Variants in MYO3A observed in about 807,000 individuals in gnomAD.
The protein encoded by MYO3A is myosin-IIIa.
MYO3A carries 180 observed loss-of-function variants against 192.7 expected under a neutral mutation model. The ratio of observed to expected loss-of-function variants is 0.93; its 90% CI spans 0.83 to 1.06. The LOEUF (loss-of-function observed/expected upper bound fraction) is 1.06. MYO3A is among the 50% of genes least tolerant of loss of function. The pLI, the probability that MYO3A is intolerant of heterozygous loss-of-function variation, is 0.00. For synonymous variants in MYO3A, 628 were observed against 645.3 expected (o/e 0.97, Z 0.41); for missense variants, 1,896 against 1,905.0 (o/e 1.00, Z 0.09).
At position 26,212,021 on chromosome 10, in the gene MYO3A, G is replaced by A. The variant is rs753855346; in HGVS notation, c.*58G>A. The stretch of plus-strand genomic sequence containing the variant: ...GCGCTGGAGCCTGCGGGGCAGCAGG[G>A]GCCAAGCAGGCACTCTGGGGCTGGC... On this transcript the variant is annotated 3_prime_UTR_variant, in exon 35 of 35. Coordinates refer to ENST00000642920, the MANE Select transcript of MYO3A (RefSeq NM_017433.5). 3.2e-6 allele frequency: 5 copies of A among 1,584,494 alleles called. No homozygotes were observed. The South Asian group carries it at 4.5e-5, about 14-fold the overall frequency.
chr10:26,054,112 T>A (rs1282412795), intron 10 of MYO3A, among the ~76,000 whole-genome samples: 1 of 151,586 alleles, frequency 6.6e-6, no homozygotes, highest in East Asian at 1.9e-4. Flanking sequence ...GGGGTGGGTG[T>A]GGGATCAGAT....
intron 17 of MYO3A, among the ~76,000 whole-genome samples, chr10:26,099,584 C>T (rs1837299743): frequency 6.6e-6 from 1 of 152,078 alleles, no homozygotes; most frequent in Non-Finnish European, 1.5e-5. Flanking sequence ...AGATATGAAC[C>T]ATCAATACCT....
chr10:26,156,655 T>C (rs1423145396), intron 25 of MYO3A, among the ~76,000 whole-genome samples: 1 of 152,260 alleles, frequency 6.6e-6, no homozygotes, highest in Non-Finnish European at 1.5e-5. Flanking sequence ...TATTTTAAAC[T>C]AAGAGATGAT....
intron 34 of MYO3A, among the ~76,000 whole-genome samples, chr10:26,205,347 T>C (rs182921238): frequency 6.6e-6 from 1 of 152,246 alleles, no homozygotes; most frequent in East Asian, 1.9e-4. Context: ...AATAAATCTC[T>C]TGAATTTATT....
chr10:26,205,846 T>C (rs188294208), intron 34 of MYO3A, among the ~76,000 whole-genome samples: 41 of 152,082 alleles, frequency 2.7e-4, no homozygotes, highest in Admixed American at 5.9e-4. Flanking sequence ...GTCTCGATCT[T>C]CTGACCTTGT....
chr10:26,012,568 A>G (rs1841733920), intron 6 of MYO3A, among the ~76,000 whole-genome samples: 1 of 152,162 alleles, frequency 6.6e-6, no homozygotes, highest in Non-Finnish European at 1.5e-5. Context: ...GAACTACAAA[A>G]CACTGCCAAA....
At chr10:26,202,076 A>G (rs184831009) in intron 33 of MYO3A, among the ~76,000 whole-genome samples, 10 of 152,344 alleles carry the variant, frequency 6.6e-5, no homozygotes, top group African/African-American at 2.4e-4. Context: ...TTAAATTCAC[A>G]TTATTCTCCT....
chr10:25,941,271 C>G (rs1564388565), intron 2 of MYO3A, among the ~76,000 whole-genome samples: 1 of 152,152 alleles, frequency 6.6e-6, no homozygotes, highest in Admixed American at 6.5e-5. Flanking sequence ...TTCTGTCCTA[C>G]AGGGACAGGG....
chr10:26,171,995 TGTGA>T (rs1182060674), intron 29 of MYO3A, among the ~76,000 whole-genome samples: 2 of 152,118 alleles, frequency 1.3e-5, no homozygotes, highest in African/African-American at 4.8e-5. Context: ...GGCACATGAG[TGTGA>T]GTAAGAAGCT....
chr10:25,966,033 C>T (rs1838243912), intron 4 of MYO3A, among the ~76,000 whole-genome samples: 2 of 151,654 alleles, frequency 1.3e-5, no homozygotes. Flanking sequence ...TGGGTGCTCA[C>T]CAGATTTTCG....
chr10:26,097,820 T>G (rs1349904265), intron 17 of MYO3A, among the ~76,000 whole-genome samples: 1 of 152,210 alleles, frequency 6.6e-6, no homozygotes, highest in Non-Finnish European at 1.5e-5. Context: ...AAGTCTTTGC[T>G]ATTGTGAATA....
intron 17 of MYO3A, among the ~76,000 whole-genome samples, chr10:26,114,521 A>G (rs1033357643): frequency 3.9e-5 from 6 of 152,220 alleles, no homozygotes; most frequent in Non-Finnish European, 7.3e-5. Flanking sequence ...TTTTGTTCTC[A>G]TAAACTCTAA....
rs1841010233 is a variant in MYO3A at position 26,154,775 on chromosome 10, C to T, written c.2745C>T (p.Ala915=). ...ACACTGGAGAAGCCACACGTCATGC[C>T]AGAGAGACAACCAACATGAAAACAC... is the stretch of plus-strand genomic sequence containing the variant. ...KGDTGEATRH[A]RETTNMKTQT... Residue 915 remains alanine (A), a synonymous_variant, in exon 25 of 35, where the codon GCC becomes GCT. Transcript: ENST00000642920. 6.2e-7 allele frequency: 1 copy of T among 1,613,794 alleles called. No homozygotes were observed. Among genetic ancestry groups the T allele is most frequent in the Non-Finnish European group, 8.5e-7 (1 of 1,179,842 alleles).
In MYO3A at chr10:26,062,530, A is replaced by AAAAAACAAAAAAAAACAAAAAAAAACG. The variant is rs1554816581; in HGVS notation, c.954-4442_954-4441insAACAAAAAAAAACAAAAAAAAACGAAA. On this transcript the variant is annotated intron_variant, in intron 10 of 34. Coordinates refer to ENST00000642920, the MANE Select transcript of MYO3A (RefSeq NM_017433.5). ...GATGCCATCTCAAAAAAAAAAAAAAAAAATTATGGAGGAATCTAATTAAGA... is the reference window on the plus strand; with the variant it reads ...GATGCCATCTCAAAAAAAAAAAAAAAAAAAACAAAAAAAAACAAAAAAAAACGAAATTATGGAGGAATCTAATTAAGA... Among the ~76,000 whole-genome samples, 29 of 126,010 alleles carry AAAAAACAAAAAAAAACAAAAAAAAACG rather than the reference A, an allele frequency of 2.3e-4. 1 individual carries two copies. The highest frequency in any genetic ancestry group is 6.3e-4 in the African/African-American group (22 of 34,982). 82.7% of individuals were successfully genotyped at this position (126,010 alleles called of 152,430 possible).
chr10:26,051,647 C>T (rs1331782094), intron 10 of MYO3A, among the ~76,000 whole-genome samples: 1 of 150,108 alleles, frequency 6.7e-6, no homozygotes, highest in African/African-American at 2.4e-5. Context: ...TATTTTGTGA[C>T]CCACAGATGA....
At position 26,125,485 on chromosome 10, in the gene MYO3A, G is replaced by A. The variant is rs886042194; in HGVS notation, c.1991G>A (p.Arg664Gln). The change falls in exon 19 of 35, where the codon CGA (arginine) becomes CAA (glutamine). Residue 664 changes from arginine to glutamine, a missense_variant. Arg to Gln is a conservative substitution (Grantham distance 43). Transcript: ENST00000642920. ...GTCACTAGAGGAGAAACAATTATAC[G>A]ACCCAATACTGTAGAAAAAGCTACC... ...CVVTRGETIIRPNTVEKATDV... is the reference protein window; with the variant it reads ...CVVTRGETIIQPNTVEKATDV... 1.9e-6 allele frequency: 3 copies of A among 1,613,982 alleles called. No homozygotes were observed. The highest frequency in any genetic ancestry group is 1.3e-5 in the African/African-American group (1 of 75,040).
intron 10 of MYO3A, among the ~76,000 whole-genome samples, chr10:26,062,532 A>G (rs2131349067): frequency 6.6e-6 from 1 of 150,628 alleles, no homozygotes; most frequent in East Asian, 1.9e-4. Flanking sequence ...AAAAAAAAAA[A>G]ATTATGGAGG....
intron 4 of MYO3A, among the ~76,000 whole-genome samples, chr10:25,982,144 C>T (rs1052981732): frequency 4.6e-5 from 7 of 152,114 alleles, no homozygotes; most frequent in Non-Finnish European, 2.9e-5. Flanking sequence ...TGCTGGTGAC[C>T]TGTGTGACTC....
rs564888588 is a variant in MYO3A at position 25,952,017 on chromosome 10, C to T, written c.-17-77C>T. 36 of 1,096,052 alleles carry T rather than the reference C, an allele frequency of 3.3e-5. No individual in the cohort carries two copies. The Admixed American group carries it at 5.2e-4, about 16-fold the overall frequency. The allele number at this position is 1,096,052 out of a possible 1,614,324, so 67.9% of individuals were successfully genotyped here. A position where few individuals can be genotyped will look rare whatever the true frequency, so the allele number is the denominator to read the frequency against. On this transcript the variant is annotated intron_variant, in intron 2 of 34. Coordinates refer to ENST00000642920, the MANE Select transcript of MYO3A (RefSeq NM_017433.5). ...TCTATCATATCAGTGAAAATATTCGCTAATTTCCCATGGGTTTGTGTGTGC... is the reference window on the plus strand; with the variant it reads ...TCTATCATATCAGTGAAAATATTCGTTAATTTCCCATGGGTTTGTGTGTGC...
Sources: allele counts gnomAD v4.1 joint callset (sites outside exome capture counted in the v4.1 genomes callset), GRCh38; gene constraint gnomAD v4.1.1; transcripts MANE v1.5; gene names NCBI Gene and HGNC (gene_info 2026-07-23, HGNC 2026-07-21).